The following ZDHHC13 variants were observed in gnomAD, a reference collection of about 807,000 sequenced individuals.
ZDHHC13 encodes the protein zDHHC palmitoyltransferase 13, also known as palmitoyltransferase ZDHHC13.
Under a neutral mutation model 86.0 loss-of-function variants are expected in ZDHHC13, and 85 were observed. That is an observed-to-expected ratio of 0.99 (90% confidence interval 0.83 to 1.18). The LOEUF (loss-of-function observed/expected upper bound fraction) is 1.18, where lower values mean the gene tolerates loss of function less well. Among genes scored for constraint, ZDHHC13 ranks in the 50% most tolerant of loss-of-function variants. ZDHHC13 has a pLI of 0.00. For synonymous variants in ZDHHC13, 263 were observed against 246.4 expected, an observed-to-expected ratio of 1.07 and a Z score of -0.63; for missense variants, 711 against 730.2, an observed-to-expected ratio of 0.97 and a Z score of 0.30.
At chr11:19,147,813 G>C in intron 4 of ZDHHC13, 140 bp downstream of exon 4, 1 of 525,262 alleles carries the variant, frequency 1.9e-6, no homozygotes, top group Non-Finnish European at 3.1e-6. Context: ...CAGCTTTAAA[G>C]AGTTTGCAGA....
At chr11:19,172,046 C>T (rs1029657284) in intron 15 of ZDHHC13, among the ~76,000 whole-genome samples, 9 of 152,222 alleles carry the variant, frequency 5.9e-5, no homozygotes, top group African/African-American at 2.2e-4. Context: ...TAATCCTCTG[C>T]ATTAGGTATT....
At chr11:19,172,970 G>A (rs1361416593) in intron 16 of ZDHHC13, 150 bp downstream of exon 16, 1 of 641,198 alleles carries the variant, frequency 1.6e-6, no homozygotes, top group East Asian at 3.0e-5. Context: ...AAGCTTTAGT[G>A]ATGGGGTGAG....
chr11:19,117,287 C>G lies in ZDHHC13; in HGVS notation c.27+11C>G. ...GGGCTGGGCTCGCAGGTGAGTGCGG[C>G]CGGGCGGTGGCTGTCCTGGGGGCCG... On this transcript the variant is annotated intron_variant, in intron 1 of 16. Transcript: ENST00000446113. The surrounding 1 kb of genome is among the most constrained non-coding windows in gnomAD (Gnocchi z 4.2). 6.8e-7 allele frequency: 1 copy of G among 1,472,632 alleles called. No homozygotes were observed. Among genetic ancestry groups the G allele is most frequent in the Non-Finnish European group, 9.0e-7 (1 of 1,110,862 alleles). 91.2% of individuals were successfully genotyped at this position (1,472,632 alleles called of 1,614,324 possible).
chr11:19,170,066 A>T, intron 14 of ZDHHC13: 1 of 1,069,396 alleles, frequency 9.4e-7, no homozygotes, highest in Non-Finnish European at 1.1e-6. Context: ...AGTTGCTATA[A>T]ACATGAATAA....
intron 8 of ZDHHC13, among the ~76,000 whole-genome samples, chr11:19,155,283 A>G (rs924665871): frequency 2.6e-5 from 4 of 152,210 alleles, no homozygotes; most frequent in Non-Finnish European, 5.9e-5. Flanking sequence ...AAAACAAAAT[A>G]TGTTTAAGTA....
At chr11:19,168,881 A>G in intron 14 of ZDHHC13, 1 of 985,378 alleles carries the variant, frequency 1.0e-6, no homozygotes, top group Non-Finnish European at 1.2e-6. Context: ...CCTACAAGTT[A>G]CAGAAAGAAA....
At chr11:19,172,434 T>C (rs1157252499) in intron 15 of ZDHHC13, among the ~76,000 whole-genome samples, 1 of 152,240 alleles carries the variant, frequency 6.6e-6, no homozygotes, top group African/African-American at 2.4e-5. Flanking sequence ...AGTGGTATGA[T>C]GAGCTGCTTT....
intron 1 of ZDHHC13, among the ~76,000 whole-genome samples, chr11:19,137,808 A>G (rs1849187216): frequency 1.3e-5 from 2 of 152,404 alleles, no homozygotes; most frequent in South Asian, 4.1e-4. Context: ...CTCCTGAATG[A>G]CTATTGGGTA....
At chr11:19,120,795 C>CAAA (rs1286874755) in intron 1 of ZDHHC13, among the ~76,000 whole-genome samples, 2 of 151,564 alleles carry the variant, frequency 1.3e-5, no homozygotes, top group African/African-American at 4.9e-5. Flanking sequence ...ACAAAAACAA[C>CAAA]AAAAAAACCA....
intron 6 of ZDHHC13, 115 bp downstream of exon 6, chr11:19,150,906 G>C: frequency 1.1e-6 from 1 of 872,718 alleles, no homozygotes; most frequent in Non-Finnish European, 1.7e-6. Flanking sequence ...AAGAAAATAA[G>C]ATTTTTCACA....
At position 19,170,466 on chromosome 11, in the gene ZDHHC13, C is replaced by T; in HGVS notation, c.1530C>T (p.Leu510=). 1.3e-6 allele frequency: 2 copies of T among 1,499,228 alleles called. No homozygotes were observed. The highest frequency in any genetic ancestry group is 2.7e-5 in the East Asian group (1 of 37,242). 92.9% of individuals were successfully genotyped at this position (1,499,228 alleles called of 1,614,324 possible). ...TFKEDGLWTY[L]NQIVACSPWV... ...AAGAAGATGGATTATGGACTTACCTCAATCAGATTGTGGCCTGTTCCCCTT... is the reference window on the plus strand; with the variant it reads ...AAGAAGATGGATTATGGACTTACCTTAATCAGATTGTGGCCTGTTCCCCTT... Residue 510 remains leucine (L), a synonymous_variant, in exon 15 of 17, where the codon CTC becomes CTT. Coordinates refer to ENST00000446113, the MANE Select transcript of ZDHHC13 (RefSeq NM_019028.3).
In ZDHHC13 at chr11:19,163,706, C is replaced by T. The variant is rs1302095978; in HGVS notation, c.1233+279C>T. On this transcript the variant is annotated intron_variant, in intron 11 of 16. Coordinates refer to ENST00000446113, the MANE Select transcript of ZDHHC13 (RefSeq NM_019028.3). ...TCCTACTTCCTTGTAATAACATTTT[C>T]ATAATGGTCATTTAGCTTACATTTC... is the stretch of plus-strand genomic sequence containing the variant. 2.6e-5 allele frequency among the ~76,000 whole-genome samples: 4 copies of T among 152,166 alleles called. No homozygotes were observed. In the East Asian group the frequency reaches 7.7e-4, roughly 29 times the overall value.
Position 19,151,048 on chromosome 11 carries a change from C to A in ZDHHC13, c.584+257C>A, listed in dbSNP as rs188759574. On this transcript the variant is annotated intron_variant, in intron 6 of 16. Coordinates refer to ENST00000446113, the MANE Select transcript of ZDHHC13 (RefSeq NM_019028.3). ...ATAAGAAAAAAATTTCCTTACCTATCAAGTAGATATACCTTGAAATATACT... is the reference window on the plus strand; with the variant it reads ...ATAAGAAAAAAATTTCCTTACCTATAAAGTAGATATACCTTGAAATATACT... Among the ~76,000 whole-genome samples the A allele has an allele frequency of 3.9e-5, 6 of 152,084 alleles. No homozygotes were observed. In the East Asian group the frequency reaches 1.2e-3, roughly 29 times the overall value.
chr11:19,163,010 T>G (rs1849953847), intron 10 of ZDHHC13, among the ~76,000 whole-genome samples: 1 of 152,078 alleles, frequency 6.6e-6, no homozygotes, highest in African/African-American at 2.4e-5. Context: ...ATTACACCAT[T>G]AGAGATAAAT....
intron 14 of ZDHHC13, chr11:19,166,695 G>A (rs946922569): frequency 2.0e-4 from 38 of 187,726 alleles, no homozygotes; most frequent in Non-Finnish European, 2.9e-4. Context: ...GTACAAAGCT[G>A]GAGGTGGTAA....
chr11:19,136,723 G>A (rs201400635), intron 1 of ZDHHC13, among the ~76,000 whole-genome samples: 3,840 of 152,026 alleles, frequency 0.025, 146 homozygotes, highest in African/African-American at 0.086. Context: ...CAGATCTCTC[G>A]GCAGAAACTC....
intron 8 of ZDHHC13, among the ~76,000 whole-genome samples, chr11:19,154,233 G>A (rs1849696345): frequency 6.6e-6 from 1 of 152,112 alleles, no homozygotes; most frequent in Admixed American, 6.6e-5. Flanking sequence ...ATAGTACCTT[G>A]CATATAATAT....
chr11:19,168,992 T>G, intron 14 of ZDHHC13: 1 of 985,458 alleles, frequency 1.0e-6, no homozygotes, highest in Non-Finnish European at 1.2e-6. Flanking sequence ...CATTAGCCAC[T>G]GGCCAGCTGA....
At chr11:19,149,871 A>G (rs1456887070) in intron 5 of ZDHHC13, among the ~76,000 whole-genome samples, 2 of 152,246 alleles carry the variant, frequency 1.3e-5, no homozygotes, top group African/African-American at 2.4e-5. Flanking sequence ...AAAGTAGTTT[A>G]TGTATTAGCA....
Sources: allele counts gnomAD v4.1 joint callset (sites outside exome capture counted in the v4.1 genomes callset), GRCh38; gene constraint gnomAD v4.1.1; non-coding constraint Gnocchi (gnomAD v3.1); transcripts MANE v1.5; gene names NCBI Gene and HGNC (gene_info 2026-07-23, HGNC 2026-07-21).